The following TMEM175 variants were observed in gnomAD, a reference collection of about 807,000 sequenced individuals.
The protein encoded by TMEM175 is endosomal/lysosomal proton channel TMEM175.
A neutral mutation model predicts 36.5 loss-of-function variants in TMEM175; 36 were observed. The observed-to-expected ratio is 0.99, with a 90% CI of 0.76 to 1.30. The LOEUF (loss-of-function observed/expected upper bound fraction) is 1.30. Among genes scored for constraint, TMEM175 ranks in the 50% most tolerant of loss-of-function variants. The pLI, the probability that TMEM175 is intolerant of heterozygous loss-of-function variation, is 0.00. For synonymous variants in TMEM175, 339 were observed against 313.4 expected, an observed-to-expected ratio of 1.08 and a Z score of -0.86; for missense variants, 705 against 692.8, an observed-to-expected ratio of 1.02 and a Z score of -0.20.
chr4:950,255 G>A (rs1255910399), intron 3 of TMEM175, among the ~76,000 whole-genome samples, 166 bp from the exon 4 acceptor site: 3 of 152,106 alleles, frequency 2.0e-5, no homozygotes, highest in Non-Finnish European at 2.9e-5. Context: ...AGGGCACTCA[G>A]GGTCTGCTGG....
At chr4:956,059 ACCTTCCCGGCGGCCCCTC>A (rs571117260) in intron 10 of TMEM175, 169 bp downstream of exon 10, 6 of 849,710 alleles carry the variant, frequency 7.1e-6, no homozygotes, top group East Asian at 5.5e-5. Context: ...AGGGAGGACA[ACCTTCCCGGCGGCCCCTC>A]CCTTCCCAGC....
In TMEM175 at chr4:947,843, G is replaced by A. The variant is rs755453723; in HGVS notation, c.104G>A (p.Arg35His). Reference protein sequence around the residue: ...DAGEGIQCSQRMLSFSDALLS... With the variant: ...DAGEGIQCSQHMLSFSDALLS... The stretch of plus-strand genomic sequence containing the variant: ...GGGGAGGGGATCCAGTGCTCCCAAC[G>A]CATGCTCAGCTTCAGTGACGCCCTG... The change falls in exon 2 of 11, where the codon CGC (arginine) becomes CAC (histidine). Residue 35 changes from arginine to histidine, a missense_variant. Arg to His is a conservative substitution (Grantham distance 29). Transcript: ENST00000264771. The A allele has an allele frequency of 1.4e-5, 22 of 1,613,360 alleles. No homozygotes were observed. Among genetic ancestry groups the A allele is most frequent in the Middle Eastern group, 1.6e-4 (1 of 6,084 alleles).
intron 1 of TMEM175, among the ~76,000 whole-genome samples, chr4:945,452 C>A (rs568029581): frequency 2.0e-5 from 3 of 152,154 alleles, no homozygotes; most frequent in Non-Finnish European, 4.4e-5. Context: ...GCCCTCCCGT[C>A]GCCTCACGCC....
chr4:950,590 C>T (rs144117707), intron 4 of TMEM175, 72 bp downstream of exon 4: 33 of 1,176,304 alleles, frequency 2.8e-5, no homozygotes, highest in Non-Finnish European at 3.4e-5. Context: ...ACATCACGCA[C>T]GGGTCCATGG....
intron 3 of TMEM175, among the ~76,000 whole-genome samples, chr4:949,052 G>A (rs566575719): frequency 1.8e-4 from 27 of 152,270 alleles, no homozygotes; most frequent in Admixed American, 4.6e-4. Flanking sequence ...AGCCGCTCCC[G>A]CCCTCCCTAG....
rs373108119 is a variant in TMEM175 at position 958,340 on chromosome 4, C to T, written c.1359C>T (p.Ile453=). The T allele has an allele frequency of 7.8e-5, 125 of 1,604,528 alleles. No individual in the cohort carries two copies. The South Asian group carries it at 1.2e-3, about 15-fold the overall frequency. Residue 453 remains isoleucine, a synonymous_variant, in exon 11 of 11, where the codon ATC becomes ATT. Transcript: ENST00000264771. The stretch of plus-strand genomic sequence containing the variant: ...TGGGCATCTTCCACCTCATGCAGAT[C>T]GCCGTGCCCTGCGCCTTCCTGTTGC... ...FSVGIFHLMQ[I]AVPCAFLLLR... is the part of the protein sequence containing the mutation.
At chr4:937,324 G>A (rs961625399) in intron 1 of TMEM175, among the ~76,000 whole-genome samples, 4 of 152,192 alleles carry the variant, frequency 2.6e-5, no homozygotes, top group African/African-American at 9.7e-5. Context: ...AGCACTTTGG[G>A]AGGCCGAGGC....
chr4:948,345 G>C, intron 3 of TMEM175, 191 bp downstream of exon 3: 1 of 1,536,056 alleles, frequency 6.5e-7, no homozygotes, highest in South Asian at 1.2e-5. Flanking sequence ...TGCTCACCCC[G>C]GCGGAGGTCC....
At position 952,423 on chromosome 4, in the gene TMEM175, G is replaced by T; in HGVS notation, c.435G>T (p.Val145=). ...DVPLGIFLFC[V]CVIAIGVVQA... ...CTCTGGGCATCTTCTTGTTCTGTGT[G>T]TGTGTGATCGCCATTGGGGTCGTGC... is the stretch of plus-strand genomic sequence containing the variant. Residue 145 remains valine (V), a synonymous_variant, in exon 7 of 11, where the codon GTG becomes GTT. Coordinates refer to ENST00000264771, the MANE Select transcript of TMEM175 (RefSeq NM_032326.4). 6.2e-7 allele frequency: 1 copy of T among 1,608,096 alleles called. No individual in the cohort carries two copies. The highest frequency in any genetic ancestry group is 8.5e-7 in the Non-Finnish European group (1 of 1,178,078).
In TMEM175 at chr4:953,090, G is replaced by A. The variant is rs114260968; in HGVS notation, c.463-100G>A. 3.3e-3 allele frequency: 4,248 copies of A among 1,306,986 alleles called. 66 individuals are homozygous for A. In the African/African-American group the frequency reaches 0.042, roughly 13 times the overall value. The allele number at this position is 1,306,986 out of a possible 1,614,324, so 81.0% of individuals were successfully genotyped here. A position where few individuals can be genotyped will look rare whatever the true frequency, so the allele number is the denominator to read the frequency against. On this transcript the variant is annotated intron_variant, in intron 7 of 10. Transcript: ENST00000264771. The stretch of plus-strand genomic sequence containing the variant: ...CCCGGGGCCAGGTCCTCCCCACCTC[G>A]AGACCCTTGCGTGCGTGTGCCATGC...
intron 1 of TMEM175, among the ~76,000 whole-genome samples, chr4:936,300 C>T (rs1169201735): frequency 1.4e-5 from 2 of 146,076 alleles, no homozygotes; most frequent in Non-Finnish European, 3.0e-5. Flanking sequence ...AGCTGAGACT[C>T]TGTCACAAAA....
rs2153002765 is a variant in TMEM175, at chr4:951,666, C to T, written c.343-16C>T. The T allele has an allele frequency of 1.2e-6, 2 of 1,613,718 alleles. No individual in the cohort carries two copies. The highest frequency in any genetic ancestry group is 1.7e-6 in the Non-Finnish European group (2 of 1,179,756). On this transcript the variant is annotated splice_polypyrimidine_tract_variant and intron_variant, in intron 5 of 10. Transcript: ENST00000264771. ...CCCAGGCCGCATCATGGCTGTGATGCCCTCCCTCCCTCCAGGCCTGCATGA... is the reference window on the plus strand; with the variant it reads ...CCCAGGCCGCATCATGGCTGTGATGTCCTCCCTCCCTCCAGGCCTGCATGA...
intron 1 of TMEM175, among the ~76,000 whole-genome samples, chr4:934,857 A>G (rs2152995659): frequency 6.6e-6 from 1 of 152,380 alleles, no homozygotes; most frequent in East Asian, 1.9e-4. Flanking sequence ...TGCTTTGGAC[A>G]TAGGAAAAAC....
In TMEM175 at chr4:952,404, G is replaced by A; in HGVS notation, c.416G>A (p.Gly139Asp). ...GTGACCTTCCCTGATGTGCCTCTGG[G>A]CATCTTCTTGTTCTGTGTGTGTGTG... ...LMVTFPDVPL[G>D]IFLFCVCVIA... Residue 139 changes from glycine to aspartate, a missense_variant, in exon 7 of 11, where the codon GGC becomes GAC. Coordinates refer to ENST00000264771, the MANE Select transcript of TMEM175 (RefSeq NM_032326.4). 1 of 1,611,816 alleles carries A rather than the reference G, an allele frequency of 6.2e-7. No homozygotes were observed.
Position 950,529 on chromosome 4 carries a change from G to C in TMEM175, c.290+11G>C. ...GGCAGCACACACAAGGTGGGGGCCC[G>C]GGCGCTTCCAGCGGTCCATAGCTGC... On this transcript the variant is annotated intron_variant, in intron 4 of 10. Coordinates refer to ENST00000264771, the MANE Select transcript of TMEM175 (RefSeq NM_032326.4). 1.9e-6 allele frequency: 3 copies of C among 1,609,666 alleles called. No individual in the cohort carries two copies. The highest frequency in any genetic ancestry group is 2.6e-6 in the Non-Finnish European group (3 of 1,176,252).
chr4:943,717 C>G (rs1334967025), intron 1 of TMEM175, among the ~76,000 whole-genome samples: 2 of 152,166 alleles, frequency 1.3e-5, no homozygotes, highest in East Asian at 3.8e-4. Flanking sequence ...CAAAACCACT[C>G]AAAGGCATTT....
chr4:953,040 A>G, intron 7 of TMEM175, 150 bp from the exon 8 acceptor site: 1 of 730,178 alleles, frequency 1.4e-6, no homozygotes, highest in Non-Finnish European at 2.1e-6. Flanking sequence ...CCACCCCAAG[A>G]CCCCTGTGCG....
At chr4:955,592 G>C (rs1331934287) in intron 9 of TMEM175, 109 bp downstream of exon 9, 1 of 1,445,664 alleles carries the variant, frequency 6.9e-7, no homozygotes, top group Non-Finnish European at 9.5e-7. Flanking sequence ...GTGCGTGGTG[G>C]TGGCTGGGGC....
rs754912566 is a variant in TMEM175, at chr4:957,726, G to A, written c.843-98G>A. 6.5e-6 allele frequency: 8 copies of A among 1,239,066 alleles called. No homozygotes were observed. In the Middle Eastern group the frequency reaches 9.8e-4, roughly 151 times the overall value. The allele number at this position is 1,239,066 out of a possible 1,614,324, so 76.8% of individuals were successfully genotyped here. A position where few individuals can be genotyped will look rare whatever the true frequency, so the allele number is the denominator to read the frequency against. On this transcript the variant is annotated intron_variant, in intron 10 of 10. Transcript: ENST00000264771. ...GTCCACATGGTTCATCTGAAAACGT[G>A]CCAGATCCAGGCAGCCCTGACAGGC...
Sources: allele counts gnomAD v4.1 joint callset (sites outside exome capture counted in the v4.1 genomes callset), GRCh38; gene constraint gnomAD v4.1.1; transcripts MANE v1.5; gene names NCBI Gene and HGNC (gene_info 2026-07-23, HGNC 2026-07-21).